The following MAST4 variants were observed in gnomAD, a reference collection of about 807,000 sequenced individuals.
MAST4 encodes the protein microtubule associated serine/threonine kinase family member 4.
In MAST4, 89 loss-of-function variants were observed where a neutral mutation model predicts 162.7. That is an observed-to-expected ratio of 0.55 (90% CI 0.46 to 0.65). The LOEUF is 0.65. MAST4 is among the 30% of genes least tolerant of loss of function. The probability of loss-of-function intolerance (pLI) is 0.00; values close to 1 mark genes in which losing one functional copy is unlikely to be tolerated. For synonymous variants in MAST4, 1,479 were observed against 1,361.1 expected (o/e 1.09, Z -1.91); for missense variants, 3,153 against 3,374.0 (o/e 0.93, Z 1.62).
At chr5:66,788,147 T>A (rs543969420) in intron 2 of MAST4, among the ~76,000 whole-genome samples, 1 of 152,214 alleles carries the variant, frequency 6.6e-6, no homozygotes, top group Admixed American at 6.5e-5. Context: ...ACAGACACAG[T>A]TGGATGGCCA....
chr5:66,718,009 C>T (rs1750953063), intron 1 of MAST4, among the ~76,000 whole-genome samples: 1 of 152,136 alleles, frequency 6.6e-6, no homozygotes, highest in African/African-American at 2.4e-5. Context: ...TGAGGGACTG[C>T]GTTTCAGCTG....
intron 1 of MAST4, among the ~76,000 whole-genome samples, chr5:66,681,591 G>A (rs551188344): frequency 1.1e-4 from 16 of 152,182 alleles, no homozygotes; most frequent in Admixed American, 1.0e-3. Flanking sequence ...CTGAACTTGG[G>A]CTCTGCCCTT....
chr5:66,640,309 C>CTTT (rs770087325), intron 1 of MAST4, among the ~76,000 whole-genome samples: 9 of 139,930 alleles, frequency 6.4e-5, no homozygotes, highest in African/African-American at 1.0e-4. Flanking sequence ...CAATTTGTTT[C>CTTT]TTTTTTTTTT....
At chr5:67,075,948 G>A (rs1761592029) in intron 5 of MAST4, among the ~76,000 whole-genome samples, 1 of 152,000 alleles carries the variant, frequency 6.6e-6, no homozygotes, top group Non-Finnish European at 1.5e-5. Flanking sequence ...TATTGTAGTA[G>A]TCCTGGGAAA....
chr5:66,626,336 A>G (rs1744426732), intron 1 of MAST4, among the ~76,000 whole-genome samples: 1 of 152,226 alleles, frequency 6.6e-6, no homozygotes, highest in South Asian at 2.1e-4. Flanking sequence ...CAAAGCATCA[A>G]GTTGTACCCC....
chr5:66,615,651 TA>T (rs34176995), intron 1 of MAST4, among the ~76,000 whole-genome samples: 69,186 of 148,562 alleles, frequency 0.47, 16,430 homozygotes, highest in African/African-American at 0.58. Context: ...CAGTCTCCCT[TA>T]AAAAAAAAAA....
At chr5:66,754,456 A>G (rs905328762) in intron 1 of MAST4, among the ~76,000 whole-genome samples, 32 of 152,238 alleles carry the variant, frequency 2.1e-4, no homozygotes, top group African/African-American at 7.5e-4. Flanking sequence ...GACTCACTTT[A>G]GTTTCCAGTA....
intron 1 of MAST4, among the ~76,000 whole-genome samples, chr5:66,669,531 TG>T (rs1747477022): frequency 6.6e-6 from 1 of 152,162 alleles, no homozygotes; most frequent in Admixed American, 6.5e-5. Flanking sequence ...TTCTCCCTCC[TG>T]GGCTCAGCAG....
intron 1 of MAST4, among the ~76,000 whole-genome samples, chr5:66,630,981 A>G (rs748083613): frequency 4.3e-4 from 65 of 152,064 alleles, no homozygotes; most frequent in Non-Finnish European, 1.5e-4. Context: ...TTTGGGTTCT[A>G]CCTTATTTTT....
At chr5:67,156,915 T>C (rs985539613) in intron 26 of MAST4, among the ~76,000 whole-genome samples, 7 of 152,248 alleles carry the variant, frequency 4.6e-5, no homozygotes, top group Non-Finnish European at 5.9e-5. Flanking sequence ...GCTATTGTAT[T>C]CAATTCCGGC....
chr5:67,089,081 G>T (rs1236481157), intron 5 of MAST4, among the ~76,000 whole-genome samples: 1 of 152,204 alleles, frequency 6.6e-6, no homozygotes, highest in East Asian at 1.9e-4. Flanking sequence ...TAAGAAACCA[G>T]TAATGTGGCA....
rs137861619 is a variant in MAST4, at chr5:66,923,182, A to G, written c.674+23200A>G. Among the ~76,000 whole-genome samples, 560 of 152,340 alleles carry G rather than the reference A, an allele frequency of 3.7e-3. 1 individual carries two copies. Among genetic ancestry groups the G allele is most frequent in the African/African-American group, 0.013 (543 of 41,580 alleles). On this transcript the variant is annotated intron_variant, in intron 4 of 28. Transcript: ENST00000403625. Reference sequence around the variant, plus strand: ...GATTGCTCCCCATTGTGGGGCCACAATAAAAAGTGGGGTTTTTCATAGTCC... The same window carrying G: ...GATTGCTCCCCATTGTGGGGCCACAGTAAAAAGTGGGGTTTTTCATAGTCC...
At chr5:66,840,773 A>G (rs1299913940) in intron 3 of MAST4, among the ~76,000 whole-genome samples, 1 of 152,098 alleles carries the variant, frequency 6.6e-6, no homozygotes, top group Non-Finnish European at 1.5e-5. Flanking sequence ...TCCCAGAACA[A>G]ACCTCTGTGG....
At position 67,162,758 on chromosome 5, in the gene MAST4, A is replaced by C; in HGVS notation, c.3937A>C (p.Ser1313Arg). ...CTTGTCTCCCCGGTCTCCAACACCA[A>C]GCTACCGCTCCACCCCTGACTTCCC... is the stretch of plus-strand genomic sequence containing the variant. ...HSLSPRSPTP[S>R]YRSTPDFPSG... The change falls in exon 28 of 29, where the codon AGC (serine) becomes CGC (arginine). Residue 1313 changes from serine to arginine, a missense_variant. Physicochemically the swap from Ser to Arg is moderately radical, Grantham distance 110. Around this residue, in one of 7 missense-constraint regions of MAST4, gnomAD observed 619 missense variants for 744.2 expected, o/e 0.83. Transcript: ENST00000403625. The C allele has an allele frequency of 1.2e-6, 2 of 1,613,860 alleles. No individual in the cohort carries two copies. Among genetic ancestry groups the C allele is most frequent in the Non-Finnish European group, 1.7e-6 (2 of 1,179,866 alleles).
At chr5:67,118,649 T>A in intron 12 of MAST4, 33 bp from the exon 13 acceptor site, 3 of 1,361,604 alleles carry the variant, frequency 2.2e-6, no homozygotes, top group East Asian at 2.5e-5. Flanking sequence ...GCAATATTTT[T>A]ATTAAGCTTA....
intron 1 of MAST4, among the ~76,000 whole-genome samples, chr5:66,600,368 C>T (rs1211044981): frequency 3.3e-5 from 5 of 152,322 alleles, no homozygotes; most frequent in Middle Eastern, 3.4e-3. Flanking sequence ...AGGACTGTTC[C>T]CCTGACAACA....
intron 3 of MAST4, among the ~76,000 whole-genome samples, chr5:66,830,812 G>A (rs1757547645): frequency 6.6e-6 from 1 of 152,198 alleles, no homozygotes; most frequent in South Asian, 2.1e-4. Context: ...GAGTTCATAA[G>A]AGTAACGCCA....
chr5:66,850,952 A>G (rs1298251061), intron 3 of MAST4, among the ~76,000 whole-genome samples: 1 of 140,356 alleles, frequency 7.1e-6, no homozygotes, highest in Non-Finnish European at 1.5e-5. Flanking sequence ...TTTTGAAGAA[A>G]AAAATGCATA....
At chr5:66,934,542 T>G (rs1742509888) in intron 4 of MAST4, among the ~76,000 whole-genome samples, 1 of 151,980 alleles carries the variant, frequency 6.6e-6, no homozygotes, top group Non-Finnish European at 1.5e-5. Flanking sequence ...GGCAACAAAA[T>G]TTTTAAAAAT....
Sources: allele counts gnomAD v4.1 joint callset (sites outside exome capture counted in the v4.1 genomes callset), GRCh38; gene constraint gnomAD v4.1.1; regional missense constraint gnomAD v4.1.1; transcripts MANE v1.5; gene names NCBI Gene and HGNC (gene_info 2026-07-23, HGNC 2026-07-21).